The following KCNC2 variants were observed in gnomAD, a reference collection of about 807,000 sequenced individuals.
KCNC2 encodes the protein voltage-gated potassium channel KCNC2.
A neutral mutation model predicts 44.5 loss-of-function variants in KCNC2; 21 were observed. The observed-to-expected ratio is 0.47, with a 90% confidence interval of 0.33 to 0.68. The LOEUF is 0.68. Among genes scored for constraint, KCNC2 ranks in the 30% least tolerant of loss-of-function variants. KCNC2 has a pLI of 0.01. For synonymous variants in KCNC2, 391 were observed against 339.1 expected, an observed-to-expected ratio of 1.15 and a Z score of -1.68; for missense variants, 589 against 826.2, an observed-to-expected ratio of 0.71 and a Z score of 3.52.
At chr12:75,072,848 T>C (rs1298845091) in intron 2 of KCNC2, among the ~76,000 whole-genome samples, 1 of 152,194 alleles carries the variant, frequency 6.6e-6, no homozygotes, top group African/African-American at 2.4e-5. Flanking sequence ...TTTTAAGACA[T>C]AAATCTGTCA....
chr12:75,134,368 A>G (rs1452963431), intron 2 of KCNC2, among the ~76,000 whole-genome samples: 1 of 152,002 alleles, frequency 6.6e-6, no homozygotes, highest in African/African-American at 2.4e-5. Flanking sequence ...ATTAATACAT[A>G]TGTGCATGCT....
chr12:75,157,634 G>T (rs1890851942), intron 2 of KCNC2, among the ~76,000 whole-genome samples: 1 of 151,738 alleles, frequency 6.6e-6, no homozygotes, highest in African/African-American at 2.4e-5. Context: ...ATAATCAACT[G>T]GCTTTCATGT....
At chr12:75,134,186 G>A (rs558691111) in intron 2 of KCNC2, among the ~76,000 whole-genome samples, 12 of 151,848 alleles carry the variant, frequency 7.9e-5, no homozygotes, top group Non-Finnish European at 1.3e-4. Context: ...ACTTAAATAT[G>A]TATAGCTAAA....
chr12:75,086,063 G>T (rs1188483314), intron 2 of KCNC2, among the ~76,000 whole-genome samples: 1 of 151,758 alleles, frequency 6.6e-6, no homozygotes, highest in Non-Finnish European at 1.5e-5. Flanking sequence ...AGATAAATAT[G>T]TTTTCACTCA....
chr12:75,170,967 C>T (rs1891776358), intron 2 of KCNC2, among the ~76,000 whole-genome samples: 1 of 151,738 alleles, frequency 6.6e-6, no homozygotes, highest in Non-Finnish European at 1.5e-5. Flanking sequence ...TTCCTGTATT[C>T]TTGCTAGCTG....
intron 2 of KCNC2, among the ~76,000 whole-genome samples, chr12:75,077,608 A>G (rs561171942): frequency 6.6e-6 from 1 of 152,322 alleles, no homozygotes; most frequent in Non-Finnish European, 1.5e-5. Flanking sequence ...AAGGACTCCA[A>G]GATATACCTT....
intron 2 of KCNC2, 33 bp from the exon 3 acceptor site, chr12:75,051,350 G>A (rs1881148759): frequency 1.6e-6 from 2 of 1,238,694 alleles, no homozygotes; most frequent in African/African-American, 3.1e-5. Context: ...AAAACCCATA[G>A]TGATCTGAAT....
At chr12:75,156,866 C>A (rs538889526) in intron 2 of KCNC2, among the ~76,000 whole-genome samples, 1 of 151,860 alleles carries the variant, frequency 6.6e-6, no homozygotes, top group Non-Finnish European at 1.5e-5. Context: ...AATAATTCAT[C>A]GTAGTATCAT....
rs1246903869 is a variant in KCNC2, at chr12:75,042,083, T to C, written c.*1022A>G. 1 of 1,214,188 alleles carries C rather than the reference T, an allele frequency of 8.2e-7. No individual in the cohort carries two copies. Among genetic ancestry groups the C allele is most frequent in the Non-Finnish European group, 1.0e-6 (1 of 976,410 alleles). The allele number at this position is 1,214,188 out of a possible 1,614,324, so 75.2% of individuals were successfully genotyped here. ...CAAAAAAGCCTTCTGTGAACACCAG[T>C]GACATTTGATGTTTGCACAAAAAAT... On this transcript the variant is annotated 3_prime_UTR_variant, in exon 5 of 5. Coordinates refer to ENST00000549446, the MANE Select transcript of KCNC2 (RefSeq NM_139137.4).
At chr12:75,198,204 G>A (rs146711059) in intron 2 of KCNC2, among the ~76,000 whole-genome samples, 30 of 151,898 alleles carry the variant, frequency 2.0e-4, no homozygotes, top group African/African-American at 6.7e-4. Context: ...TCAAATTACA[G>A]TCAACATTAT....
intron 2 of KCNC2, among the ~76,000 whole-genome samples, chr12:75,179,382 GATACTGAAAGAAGTA>G (rs1892403200): frequency 6.6e-6 from 1 of 151,848 alleles, no homozygotes; most frequent in Non-Finnish European, 1.5e-5. Flanking sequence ...GAGTTTGATA[GATACTGAAAGAAGTA>G]TGCCTTAAAT....
intron 2 of KCNC2, among the ~76,000 whole-genome samples, chr12:75,196,236 T>C (rs1381313070): frequency 6.6e-6 from 1 of 152,170 alleles, no homozygotes; most frequent in South Asian, 2.1e-4. Flanking sequence ...GCTTGCAATA[T>C]GCCTGATTTA....
intron 2 of KCNC2, among the ~76,000 whole-genome samples, chr12:75,188,007 A>G (rs2029870099): frequency 6.6e-6 from 1 of 152,204 alleles, no homozygotes; most frequent in South Asian, 2.1e-4. Flanking sequence ...GAAGTTGTAT[A>G]AGCAACAGTA....
intron 2 of KCNC2, among the ~76,000 whole-genome samples, chr12:75,157,898 C>G (rs770185401): frequency 6.6e-6 from 1 of 151,856 alleles, no homozygotes; most frequent in Non-Finnish European, 1.5e-5. Context: ...TTTAGTTCAT[C>G]CATTCCTCTG....
chr12:75,176,740 A>T (rs1295078469), intron 2 of KCNC2, among the ~76,000 whole-genome samples: 2 of 151,986 alleles, frequency 1.3e-5, no homozygotes, highest in African/African-American at 4.8e-5. Flanking sequence ...AATTTATGTA[A>T]TCTCTTTGGA....
chr12:75,043,336 A>G, intron 4 of KCNC2, 95 bp from the exon 5 acceptor site: 1 of 1,484,846 alleles, frequency 6.7e-7, no homozygotes, highest in Non-Finnish European at 8.9e-7. Context: ...GCTACTTTCA[A>G]GCTCAAAGAA....
chr12:75,080,979 A>C (rs1334239779), intron 2 of KCNC2, among the ~76,000 whole-genome samples: 1 of 152,114 alleles, frequency 6.6e-6, no homozygotes, highest in Non-Finnish European at 1.5e-5. Context: ...TGGCTTCTTA[A>C]TCTTCTCATC....
chr12:75,095,134 G>A (rs1885814294), intron 2 of KCNC2, among the ~76,000 whole-genome samples: 1 of 151,778 alleles, frequency 6.6e-6, no homozygotes, highest in Non-Finnish European at 1.5e-5. Context: ...CAGAGAAACT[G>A]TAAGAATGAA....
intron 2 of KCNC2, among the ~76,000 whole-genome samples, chr12:75,084,818 T>C (rs1884857431): frequency 6.6e-6 from 1 of 151,896 alleles, no homozygotes. Flanking sequence ...TATTTAAGCA[T>C]ATTCATTGAA....
Sources: gnomAD v4.1 joint callset for allele counts (sites outside exome capture counted in the v4.1 genomes callset) on GRCh38, gnomAD v4.1.1 for gene constraint, MANE v1.5 for transcripts, NCBI Gene and HGNC (gene_info 2026-07-23, HGNC 2026-07-21) for gene names.